Variants in KIAA0513 observed in about 807,000 individuals in gnomAD.
KIAA0513 encodes KIAA0513.
A neutral mutation model predicts 56.5 loss-of-function variants in KIAA0513; 39 were observed. The ratio of observed to expected loss-of-function variants is 0.69; its 90% CI spans 0.53 to 0.90. The LOEUF (loss-of-function observed/expected upper bound fraction) is 0.90. KIAA0513 is among the 40% of genes least tolerant of loss of function. The pLI is 0.00. For missense variants in KIAA0513, 591 were observed against 535.2 expected (o/e 1.10, Z -1.03); for synonymous variants, 268 against 215.6 (o/e 1.24, Z -2.13).
At chr16:85,083,919 C>G (rs1053045683) in intron 10 of KIAA0513, among the ~76,000 whole-genome samples, 3 of 152,200 alleles carry the variant, frequency 2.0e-5, no homozygotes, top group Admixed American at 2.0e-4. Flanking sequence ...CAGAGGCAGA[C>G]GATTCTGCAT....
chr16:85,075,621 C>G (rs903085828), intron 4 of KIAA0513, among the ~76,000 whole-genome samples: 1 of 152,212 alleles, frequency 6.6e-6, no homozygotes, highest in Non-Finnish European at 1.5e-5. Flanking sequence ...GTGAAAGAAG[C>G]CGGGCAGGCA....
intron 4 of KIAA0513, among the ~76,000 whole-genome samples, chr16:85,074,904 T>C (rs2073634751): frequency 6.6e-6 from 1 of 152,110 alleles, no homozygotes; most frequent in Admixed American, 6.5e-5. Context: ...CTAAAAGTAA[T>C]TCTCCATTTT....
chr16:85,065,647 C>T (rs945621737), intron 1 of KIAA0513, among the ~76,000 whole-genome samples: 3 of 152,196 alleles, frequency 2.0e-5, no homozygotes, highest in African/African-American at 7.2e-5. Context: ...TCTGAAGATG[C>T]GTTCAGTTCA....
At chr16:85,047,362 A>G (rs1043510459) in intron 1 of KIAA0513, among the ~76,000 whole-genome samples, 8 of 152,080 alleles carry the variant, frequency 5.3e-5, no homozygotes, top group African/African-American at 1.7e-4. Context: ...CCTCTCTGCA[A>G]TCTCTCGAGC....
chr16:85,092,634 C>T lies in KIAA0513; in HGVS notation c.*4309C>T, dbSNP rs916580598. ...ACTGAGCCATTCACTTCTGCTGAAC[C>T]ATTTTTCTTAGGATGCAGCCGTCTC... On this transcript the variant is annotated 3_prime_UTR_variant, in exon 13 of 13. Transcript: ENST00000683363. The T allele has an allele frequency of 1.3e-5, 2 of 152,246 alleles. No individual in the cohort carries two copies. Among genetic ancestry groups the T allele is most frequent in the Non-Finnish European group, 2.9e-5 (2 of 68,054 alleles). The allele number at this position is 152,246 out of a possible 1,614,324, so 9.4% of individuals were successfully genotyped here.
rs570226071 is a variant in KIAA0513 at position 85,054,307 on chromosome 16, AG to A, written c.-172-12592del. 9.6e-4 allele frequency among the ~76,000 whole-genome samples: 147 copies of A among 152,356 alleles called. 1 individual carries two copies. Among genetic ancestry groups the A allele is most frequent in the Non-Finnish European group, 1.9e-4 (13 of 68,034 alleles). On this transcript the variant is annotated intron_variant, in intron 1 of 12. Coordinates refer to ENST00000683363, the MANE Select transcript of KIAA0513 (RefSeq NM_001388359.1). Reference sequence around the variant, plus strand: ...CTTGGTCCATAAGAAAGAAAATATAAGCAAAATAAATTGGTTAAAATACTTC... The same window carrying A: ...CTTGGTCCATAAGAAAGAAAATATAACAAAATAAATTGGTTAAAATACTTC...
Position 85,072,957 on chromosome 16 carries a change from C to G in KIAA0513, c.462C>G (p.Thr154=). The part of the protein sequence containing the change: ...RCNSKCVSEA[T]FYRLVQSFAV... ...ACTCCAAGTGTGTCTCAGAGGCAACCTTCTACCGCCTGGTGCAGTCTTTTG... is the reference window on the plus strand; with the variant it reads ...ACTCCAAGTGTGTCTCAGAGGCAACGTTCTACCGCCTGGTGCAGTCTTTTG... The change falls in exon 4 of 13, where the codon ACC becomes ACG. Residue 154 remains threonine (T), a synonymous_variant. Coordinates refer to ENST00000683363, the MANE Select transcript of KIAA0513 (RefSeq NM_001388359.1). 1 of 1,614,222 alleles carries G rather than the reference C, an allele frequency of 6.2e-7. No individual in the cohort carries two copies. Among genetic ancestry groups the G allele is most frequent in the Non-Finnish European group, 8.5e-7 (1 of 1,180,020 alleles).
chr16:85,060,938 G>T (rs2073395697), intron 1 of KIAA0513, among the ~76,000 whole-genome samples: 1 of 151,754 alleles, frequency 6.6e-6, no homozygotes, highest in Admixed American at 6.6e-5. Flanking sequence ...TAGATCACCT[G>T]AGGTCAGGAG....
intron 8 of KIAA0513, among the ~76,000 whole-genome samples, chr16:85,080,943 T>C (rs2073734644): frequency 6.6e-6 from 1 of 152,230 alleles, no homozygotes; most frequent in Non-Finnish European, 1.5e-5. Context: ...CCCAGCCCTC[T>C]GCTTCGTCTT....
chr16:85,080,143 C>T (rs1197054581), intron 8 of KIAA0513, among the ~76,000 whole-genome samples: 2 of 148,924 alleles, frequency 1.3e-5, no homozygotes, highest in East Asian at 3.9e-4. Context: ...TCAGGAAGGC[C>T]CTTGAGGAGG....
intron 1 of KIAA0513, among the ~76,000 whole-genome samples, chr16:85,047,256 G>T (rs539458887): frequency 6.6e-6 from 1 of 152,216 alleles, no homozygotes; most frequent in Non-Finnish European, 1.5e-5. Flanking sequence ...AGTGCTCAGG[G>T]TCTGTGCTTG....
At chr16:85,064,336 C>G (rs1018371034) in intron 1 of KIAA0513, among the ~76,000 whole-genome samples, 16 of 152,006 alleles carry the variant, frequency 1.1e-4, no homozygotes, top group African/African-American at 3.6e-4. Context: ...TTTTTTCTAC[C>G]CATCTCCCCA....
At chr16:85,072,887 C>T (rs1342599321) in intron 3 of KIAA0513, 38 bp from the exon 4 acceptor site, 1 of 1,603,798 alleles carries the variant, frequency 6.2e-7, no homozygotes, top group Non-Finnish European at 8.5e-7. Flanking sequence ...CGTGTGTCGC[C>T]CTGAACCTCA....
rs187462657 is a variant in KIAA0513 at position 85,046,505 on chromosome 16, C to G, written c.-173+18647C>G. ...TGCCTTCGTCATTTCTAGTCCCCTT[C>G]GGTTATGTTTCATGTTCCTCATTCT... On this transcript the variant is annotated intron_variant, in intron 1 of 12. Coordinates refer to ENST00000683363, the MANE Select transcript of KIAA0513 (RefSeq NM_001388359.1). Among the ~76,000 whole-genome samples, 280 of 152,282 alleles carry G rather than the reference C, an allele frequency of 1.8e-3. 2 individuals are homozygous for G. Among genetic ancestry groups the G allele is most frequent in the African/African-American group, 6.4e-3 (265 of 41,562 alleles).
At chr16:85,073,948 G>A (rs1597632973) in intron 4 of KIAA0513, among the ~76,000 whole-genome samples, 1 of 151,448 alleles carries the variant, frequency 6.6e-6, no homozygotes, top group South Asian at 2.1e-4. Context: ...CTCTTGTGTC[G>A]TTTTTTTTGT....
Position 85,088,279 on chromosome 16 carries a change from A to C in KIAA0513, c.1190A>C (p.Gln397Pro), listed in dbSNP as rs1308422710. 1 of 1,612,690 alleles carries C rather than the reference A, an allele frequency of 6.2e-7. No homozygotes were observed. The highest frequency in any genetic ancestry group is 2.2e-5 in the East Asian group (1 of 44,882). ...QAVIGNLDEE[Q>P]YKLLSDHIEQ... ...ATAACATCACTTTCTCTTCCAGAGC[A>C]ATACAAGCTGCTTAGTGACCACATT... is the stretch of plus-strand genomic sequence containing the variant. Residue 397 changes from glutamine to proline, a missense_variant, in exon 13 of 13, where the codon CAA (glutamine) becomes CCA (proline). Coordinates refer to ENST00000683363, the MANE Select transcript of KIAA0513 (RefSeq NM_001388359.1).
chr16:85,063,969 A>T (rs2073442522), intron 1 of KIAA0513, among the ~76,000 whole-genome samples: 1 of 147,952 alleles, frequency 6.8e-6, no homozygotes, highest in African/African-American at 2.5e-5. Context: ...CAACTTTTTC[A>T]CATGTATTTA....
intron 1 of KIAA0513, among the ~76,000 whole-genome samples, chr16:85,035,721 G>A (rs1268727406): frequency 6.6e-6 from 1 of 152,134 alleles, no homozygotes; most frequent in Non-Finnish European, 1.5e-5. Flanking sequence ...GCTCACGCCT[G>A]TAATGCCAGC....
In KIAA0513 at chr16:85,087,167, G is replaced by A; in HGVS notation, c.1186+1G>A. On this transcript the variant is annotated splice_donor_variant, in intron 12 of 12. Coordinates refer to ENST00000683363, the MANE Select transcript of KIAA0513 (RefSeq NM_001388359.1). LOFTEE classifies it high-confidence loss of function. ...GCTGTGATTGGCAACCTGGATGAAGGTGCGTCTGGGGGAGGCTGCTGGCAG... is the reference window on the plus strand; with the variant it reads ...GCTGTGATTGGCAACCTGGATGAAGATGCGTCTGGGGGAGGCTGCTGGCAG... 1 of 1,613,174 alleles carries A rather than the reference G, an allele frequency of 6.2e-7. No individual in the cohort carries two copies. The highest frequency in any genetic ancestry group is 2.2e-5 in the East Asian group (1 of 44,866).
Sources: gnomAD v4.1 joint callset for allele counts (sites outside exome capture counted in the v4.1 genomes callset) on GRCh38, gnomAD v4.1.1 for gene constraint, MANE v1.5 for transcripts, NCBI Gene and HGNC (gene_info 2026-07-23, HGNC 2026-07-21) for gene names.